Variants in RB1CC1 observed in about 807,000 individuals in gnomAD.
RB1CC1 encodes RB1-inducible coiled-coil protein 1.
In RB1CC1, 46 loss-of-function variants were observed where a neutral mutation model predicts 177.5. That is an observed-to-expected ratio of 0.26 (90% CI 0.20 to 0.33). The LOEUF (loss-of-function observed/expected upper bound fraction) is 0.33, where lower values mean the gene tolerates loss of function less well. RB1CC1 is among the 10% of genes least tolerant of loss of function. RB1CC1 has a pLI of 1.00. For missense variants in RB1CC1, 1,703 were observed against 1,816.3 expected (o/e 0.94, Z 1.13); for synonymous variants, 666 against 613.6 (o/e 1.09, Z -1.26).
At chr8:52,634,076 C>T (rs1439289775) in intron 20 of RB1CC1, among the ~76,000 whole-genome samples, 1 of 152,142 alleles carries the variant, frequency 6.6e-6, no homozygotes, top group African/African-American at 2.4e-5. Flanking sequence ...AAGATCGCAA[C>T]ACCACACTTC....
At chr8:52,711,332 T>C (rs1477843209) in intron 1 of RB1CC1, among the ~76,000 whole-genome samples, 1 of 152,210 alleles carries the variant, frequency 6.6e-6, no homozygotes, top group African/African-American at 2.4e-5. Flanking sequence ...TACAGTCAAA[T>C]TAAGTTGATT....
At chr8:52,694,659 A>G (rs1855212035) in intron 1 of RB1CC1, among the ~76,000 whole-genome samples, 1 of 152,202 alleles carries the variant, frequency 6.6e-6, no homozygotes, top group South Asian at 2.1e-4. Context: ...AGTTAATACC[A>G]GGCATCTACT....
At chr8:52,712,371 C>A (rs1247275925) in intron 1 of RB1CC1, among the ~76,000 whole-genome samples, 1 of 151,882 alleles carries the variant, frequency 6.6e-6, no homozygotes, top group Non-Finnish European at 1.5e-5. Flanking sequence ...TTTTCTCAGG[C>A]TAACATAATC....
rs934311175 is a variant in RB1CC1, at chr8:52,623,537, C to A, written c.*245G>T. On this transcript the variant is annotated 3_prime_UTR_variant, in exon 24 of 24. Coordinates refer to ENST00000025008, the MANE Select transcript of RB1CC1 (RefSeq NM_014781.5). Reference sequence around the variant, plus strand: ...AAATGAAGTAGTTTGGTCCGCATTTCTAGAGTTGTCTGGGTAAAAAAAAAA... The same window carrying A: ...AAATGAAGTAGTTTGGTCCGCATTTATAGAGTTGTCTGGGTAAAAAAAAAA... 8.4e-6 allele frequency: 4 copies of A among 477,364 alleles called. No individual in the cohort carries two copies. The Admixed American group carries it at 9.1e-5, about 11-fold the overall frequency. 29.6% of individuals were successfully genotyped at this position (477,364 alleles called of 1,614,324 possible). A position where few individuals can be genotyped will look rare whatever the true frequency, so the allele number is the denominator to read the frequency against.
At chr8:52,655,907 C>T (rs114479616) in intron 15 of RB1CC1, 101 bp downstream of exon 15, 2 of 943,760 alleles carry the variant, frequency 2.1e-6, no homozygotes, top group African/African-American at 1.7e-5. Flanking sequence ...CTAGTTGCTA[C>T]ATTTACCCAA....
chr8:52,656,846 G>A lies in RB1CC1; in HGVS notation c.2983C>T (p.Leu995Phe). Residue 995 changes from leucine (L) to phenylalanine (F), a missense_variant, in exon 15 of 24, where the codon CTT (leucine) becomes TTT (phenylalanine). Transcript: ENST00000025008. Reference sequence around the variant, plus strand: ...AACTCTTGTATGTGCCTAACCTGAAGTGTGTCCTCTAATTCCTTTAGATGA... The same window carrying A: ...AACTCTTGTATGTGCCTAACCTGAAATGTGTCCTCTAATTCCTTTAGATGA... ...QSHLKELEDT[L>F]QVRHIQEFEK... The A allele has an allele frequency of 6.2e-7, 1 of 1,613,688 alleles. No individual in the cohort carries two copies. Among genetic ancestry groups the A allele is most frequent in the Non-Finnish European group, 8.5e-7 (1 of 1,179,992 alleles).
At chr8:52,664,557 G>A (rs1439391170) in intron 8 of RB1CC1, among the ~76,000 whole-genome samples, 2 of 152,102 alleles carry the variant, frequency 1.3e-5, no homozygotes. Context: ...AAATAAATTA[G>A]GGGGAATGAA....
At chr8:52,684,402 A>G (rs1317003975) in intron 3 of RB1CC1, among the ~76,000 whole-genome samples, 1 of 151,990 alleles carries the variant, frequency 6.6e-6, no homozygotes, top group Non-Finnish European at 1.5e-5. Flanking sequence ...TAATTCTGGA[A>G]AAAAAATCCA....
At chr8:52,629,910 A>G (rs1466525501) in intron 21 of RB1CC1, among the ~76,000 whole-genome samples, 1 of 152,094 alleles carries the variant, frequency 6.6e-6, no homozygotes, top group East Asian at 1.9e-4. Flanking sequence ...GTATGAAACC[A>G]AGTTTCCCCC....
intron 1 of RB1CC1, among the ~76,000 whole-genome samples, chr8:52,704,489 T>G (rs189586927): frequency 6.8e-6 from 1 of 147,106 alleles, no homozygotes; most frequent in East Asian, 2.0e-4. Context: ...AAAGTATATG[T>G]AAAATCAAGT....
chr8:52,657,735 A>G lies in RB1CC1; in HGVS notation c.2094T>C (p.His698=), dbSNP rs568109105. ...GGGGAATAGTTTCAAAATCAAACGT[A>G]TGTGCATCAATACTATCTGGAGATA... ...EELSPDSIDA[H]TFDFETIPHP... is the part of the protein sequence containing the mutation. The change falls in exon 15 of 24, where the codon CAT becomes CAC. Residue 698 remains histidine (H), a synonymous_variant. Coordinates refer to ENST00000025008, the MANE Select transcript of RB1CC1 (RefSeq NM_014781.5). 1 of 1,614,076 alleles carries G rather than the reference A, an allele frequency of 6.2e-7. No individual in the cohort carries two copies. The highest frequency in any genetic ancestry group is 1.7e-5 in the Admixed American group (1 of 60,016).
intron 6 of RB1CC1, among the ~76,000 whole-genome samples, chr8:52,675,235 CTAA>C (rs1481089119): frequency 6.6e-6 from 1 of 152,056 alleles, no homozygotes; most frequent in African/African-American, 2.4e-5. Flanking sequence ...AGGCCAAAAA[CTAA>C]TATTCATACC....
At chr8:52,630,393 G>A in intron 21 of RB1CC1, 77 bp downstream of exon 21, 1 of 1,475,300 alleles carries the variant, frequency 6.8e-7, no homozygotes, top group Non-Finnish European at 9.0e-7. Flanking sequence ...CTGAATTACT[G>A]TCACTGAAAT....
chr8:52,652,691 G>A (rs899012623), intron 15 of RB1CC1, among the ~76,000 whole-genome samples: 1 of 152,102 alleles, frequency 6.6e-6, no homozygotes. Context: ...AAACACGCAT[G>A]CACACAGATT....
chr8:52,669,210 GATAATATCCAATAAATGTAGA>G (rs1227506323), intron 7 of RB1CC1, among the ~76,000 whole-genome samples: 1 of 152,080 alleles, frequency 6.6e-6, no homozygotes, highest in Non-Finnish European at 1.5e-5. Flanking sequence ...TCTGCCCACA[GATAATATCCAATAAATGTAGA>G]ATATAATAAA....
At position 52,642,444 on chromosome 8, in the gene RB1CC1, G is replaced by C; in HGVS notation, c.4244C>G (p.Pro1415Arg). 1 of 1,614,068 alleles carries C rather than the reference G, an allele frequency of 6.2e-7. No individual in the cohort carries two copies. Among genetic ancestry groups the C allele is most frequent in the South Asian group, 1.1e-5 (1 of 91,080 alleles). Residue 1415 changes from proline (P) to arginine (R), a missense_variant, in exon 18 of 24, where the codon CCT becomes CGT. Pro to Arg is a moderately radical substitution (Grantham distance 103, BLOSUM62 -2). Around this residue, in one of 6 missense-constraint regions of RB1CC1, gnomAD observed 1,169 missense variants for 1,184.7 expected, o/e 0.99. Transcript: ENST00000025008. The part of the protein sequence containing the change: ...TAPELYGACA[P>R]ELPGESDRSA... ...TCTATCTGATTCACCTGGGAGTTCA[G>C]GTGCACAAGCTCCATAAAGTTCTGG...
intron 1 of RB1CC1, among the ~76,000 whole-genome samples, chr8:52,688,700 G>A (rs1441803564): frequency 1.3e-5 from 2 of 152,220 alleles, no homozygotes; most frequent in East Asian, 3.9e-4. Flanking sequence ...TTTGAAGCAT[G>A]TGATCTTGTA....
intron 9 of RB1CC1, 51 bp from the exon 10 acceptor site, chr8:52,661,332 T>A: frequency 6.3e-7 from 1 of 1,581,218 alleles, no homozygotes; most frequent in African/African-American, 1.4e-5. Context: ...GGTACTAACT[T>A]AGTTACTTAC....
At chr8:52,700,980 C>A (rs1425781243) in intron 1 of RB1CC1, among the ~76,000 whole-genome samples, 1 of 152,154 alleles carries the variant, frequency 6.6e-6, no homozygotes, top group Admixed American at 6.5e-5. Flanking sequence ...TAGGTGACAC[C>A]CAAAGTGCCT....
Sources: gnomAD v4.1 joint callset for allele counts (sites outside exome capture counted in the v4.1 genomes callset) on GRCh38, gnomAD v4.1.1 for gene constraint, gnomAD v4.1.1 regional missense constraint, MANE v1.5 for transcripts, NCBI Gene and HGNC (gene_info 2026-07-23, HGNC 2026-07-21) for gene names.